Variants in TLK1 observed in about 807,000 individuals in gnomAD.
The protein encoded by TLK1 is serine/threonine-protein kinase tousled-like 1.
In TLK1, 24 loss-of-function variants were observed where a neutral mutation model predicts 105.3. The observed-to-expected ratio is 0.23, with a 90% CI of 0.17 to 0.32. The LOEUF (loss-of-function observed/expected upper bound fraction) is 0.32, where lower values mean the gene tolerates loss of function less well. TLK1 is among the 10% of genes least tolerant of loss of function. TLK1 has a pLI of 1.00. For missense variants in TLK1, 558 were observed against 910.5 expected (o/e 0.61, Z 4.98); for synonymous variants, 321 against 310.4 (o/e 1.03, Z -0.36).
intron 20 of TLK1, among the ~76,000 whole-genome samples, chr2:170,995,495 GCC>G (rs1048878351): frequency 6.6e-6 from 1 of 151,950 alleles, no homozygotes; most frequent in Non-Finnish European, 1.5e-5. Flanking sequence ...ATGAGACTTT[GCC>G]TTTGGCAACT....
At chr2:171,082,030 T>TATAC (rs1688777030) in intron 3 of TLK1, among the ~76,000 whole-genome samples, 1 of 146,624 alleles carries the variant, frequency 6.8e-6, no homozygotes, top group Non-Finnish European at 1.5e-5. Context: ...ACGGGAAAAA[T>TATAC]ACACACACAC....
intron 1 of TLK1, among the ~76,000 whole-genome samples, chr2:171,134,464 T>C (rs915067951): frequency 6.6e-5 from 10 of 152,114 alleles, no homozygotes; most frequent in Admixed American, 6.6e-4. Context: ...TGACTAACGA[T>C]TGGGCAAAGA....
chr2:171,117,045 C>A (rs1166892772), intron 2 of TLK1, among the ~76,000 whole-genome samples: 1 of 152,130 alleles, frequency 6.6e-6, no homozygotes, highest in Non-Finnish European at 1.5e-5. Context: ...AGGCTGAACA[C>A]AGCAATACCT....
intron 1 of TLK1, among the ~76,000 whole-genome samples, chr2:171,182,088 T>C (rs984791189): frequency 6.6e-6 from 1 of 152,230 alleles, no homozygotes; most frequent in African/African-American, 2.4e-5. Context: ...CAAAAAGGAA[T>C]GCTAGTGATG....
chr2:170,997,863 A>G lies in TLK1; in HGVS notation c.1905-40T>C, dbSNP rs777613527. 9.8e-6 allele frequency: 12 copies of G among 1,228,374 alleles called. No homozygotes were observed. The Admixed American group carries it at 1.2e-4, about 12-fold the overall frequency. 76.1% of individuals were successfully genotyped at this position (1,228,374 alleles called of 1,614,324 possible). A position where few individuals can be genotyped will look rare whatever the true frequency, so the allele number is the denominator to read the frequency against. ...GGAGAGAAAAAAGGTTACTACTGAC[A>G]ATCTGTAACTTAAAATCTTCTAAGT... On this transcript the variant is annotated intron_variant, in intron 18 of 20. Coordinates refer to ENST00000431350, the MANE Select transcript of TLK1 (RefSeq NM_012290.5).
At chr2:171,112,152 A>G (rs748103100) in intron 2 of TLK1, among the ~76,000 whole-genome samples, 4 of 152,166 alleles carry the variant, frequency 2.6e-5, no homozygotes, top group Non-Finnish European at 5.9e-5. Flanking sequence ...GGGTTTCACC[A>G]TATTGGCCAG....
At chr2:171,213,614 C>T (rs1693660263) in intron 1 of TLK1, among the ~76,000 whole-genome samples, 1 of 151,240 alleles carries the variant, frequency 6.6e-6, no homozygotes, top group Admixed American at 6.6e-5. Context: ...GTAAGAATTA[C>T]TTTCTACAAA....
At chr2:171,112,061 C>A (rs1690200362) in intron 2 of TLK1, among the ~76,000 whole-genome samples, 1 of 152,176 alleles carries the variant, frequency 6.6e-6, no homozygotes, top group African/African-American at 2.4e-5. Context: ...AAGCAATTCT[C>A]CTGCCTCAGC....
chr2:171,175,729 T>C (rs1692808989), intron 1 of TLK1, among the ~76,000 whole-genome samples: 2 of 152,202 alleles, frequency 1.3e-5, no homozygotes, highest in Non-Finnish European at 2.9e-5. Context: ...TCCCTTCTTC[T>C]TAAACCTCTG....
chr2:171,093,324 C>T (rs1689316821), intron 2 of TLK1, among the ~76,000 whole-genome samples: 1 of 152,114 alleles, frequency 6.6e-6, no homozygotes, highest in African/African-American at 2.4e-5. Flanking sequence ...AAGAGGGACA[C>T]AGGAGGTCCA....
chr2:171,048,346 T>A (rs1387185735), intron 10 of TLK1, among the ~76,000 whole-genome samples: 1 of 152,252 alleles, frequency 6.6e-6, no homozygotes, highest in African/African-American at 2.4e-5. Flanking sequence ...TTTTATTCAT[T>A]GCAGGACAAT....
At chr2:171,138,988 T>C (rs1464474222) in intron 1 of TLK1, among the ~76,000 whole-genome samples, 2 of 152,194 alleles carry the variant, frequency 1.3e-5, no homozygotes, top group Non-Finnish European at 2.9e-5. Flanking sequence ...TTATACAGTA[T>C]GAGCAACTCT....
intron 1 of TLK1, among the ~76,000 whole-genome samples, chr2:171,140,581 T>G (rs2105576155): frequency 6.6e-6 from 1 of 152,280 alleles, no homozygotes; most frequent in African/African-American, 2.4e-5. Flanking sequence ...GAATTACAAT[T>G]AAAGCCCAGA....
intron 2 of TLK1, among the ~76,000 whole-genome samples, chr2:171,103,282 A>ATATAT (rs55949414): frequency 2.0e-5 from 3 of 147,906 alleles, no homozygotes; most frequent in Non-Finnish European, 3.0e-5. Context: ...ATATATATAT[A>ATATAT]ATTTTTTTTG....
intron 11 of TLK1, among the ~76,000 whole-genome samples, chr2:171,034,889 C>T (rs769944534): frequency 6.6e-6 from 1 of 152,064 alleles, no homozygotes; most frequent in East Asian, 1.9e-4. Flanking sequence ...AGTATAATGG[C>T]TGATATGGTT....
intron 18 of TLK1, among the ~76,000 whole-genome samples, chr2:170,998,134 AACTT>A (rs1317114525): frequency 6.6e-6 from 1 of 151,904 alleles, no homozygotes; most frequent in Non-Finnish European, 1.5e-5. Context: ...CCGAAACAAA[AACTT>A]AAAGAGATTA....
chr2:171,081,323 C>A (rs1249883264), intron 3 of TLK1, among the ~76,000 whole-genome samples: 1 of 151,954 alleles, frequency 6.6e-6, no homozygotes, highest in Non-Finnish European at 1.5e-5. Flanking sequence ...CCATGTTTTG[C>A]TTTTTTAAAA....
intron 1 of TLK1, among the ~76,000 whole-genome samples, chr2:171,222,254 C>G (rs868342608): frequency 6.6e-6 from 1 of 152,170 alleles, no homozygotes; most frequent in Non-Finnish European, 1.5e-5. Context: ...AGAAAGAAAC[C>G]TTTGTGGTGT....
intron 2 of TLK1, among the ~76,000 whole-genome samples, chr2:171,110,636 T>C (rs540820428): frequency 5.3e-5 from 8 of 152,202 alleles, no homozygotes; most frequent in Admixed American, 6.5e-5. Flanking sequence ...TATTGCAATA[T>C]GTATCCATTT....
Sources: gnomAD v4.1 joint callset for allele counts (sites outside exome capture counted in the v4.1 genomes callset) on GRCh38, gnomAD v4.1.1 for gene constraint, MANE v1.5 for transcripts, NCBI Gene and HGNC (gene_info 2026-07-23, HGNC 2026-07-21) for gene names.